Variants in CIBAR1 observed in about 807,000 individuals in gnomAD.
CIBAR1 encodes the protein CBY1 interacting BAR domain containing 1.
A neutral mutation model predicts 44.0 loss-of-function variants in CIBAR1; 25 were observed. That is an observed-to-expected ratio of 0.57 (90% CI 0.41 to 0.79). The LOEUF (loss-of-function observed/expected upper bound fraction) is 0.79, where lower values mean the gene tolerates loss of function less well. Among genes scored for constraint, CIBAR1 ranks in the 30% least tolerant of loss-of-function variants. The probability of loss-of-function intolerance (pLI) is 0.00; values close to 1 mark genes in which losing one functional copy is unlikely to be tolerated. For missense variants in CIBAR1, 278 were observed against 344.8 expected, an observed-to-expected ratio of 0.81 and a Z score of 1.53; for synonymous variants, 115 against 119.0, an observed-to-expected ratio of 0.97 and a Z score of 0.22.
chr8:93,700,775 C>A (rs2130260183), intron 1 of CIBAR1, 102 bp downstream of exon 1: 1 of 1,376,214 alleles, frequency 7.3e-7, no homozygotes, highest in East Asian at 3.1e-5. Context: ...GAATTCCGAC[C>A]CTGAGTGGGA....
intron 2 of CIBAR1, chr8:93,702,190 C>CA: frequency 1.0e-5 from 4 of 398,258 alleles, no homozygotes; most frequent in South Asian, 3.8e-5. Flanking sequence ...TTTCAATTTT[C>CA]AAAAAACAGA....
At position 93,728,782 on chromosome 8, in the gene CIBAR1, C is replaced by T. The variant is rs772505045; in HGVS notation, c.*485C>T. The T allele has an allele frequency of 1.6e-4, 24 of 151,998 alleles. No individual in the cohort carries two copies. Among genetic ancestry groups the T allele is most frequent in the African/African-American group, 5.3e-4 (22 of 41,478 alleles). 9.4% of individuals were successfully genotyped at this position (151,998 alleles called of 1,614,324 possible). On this transcript the variant is annotated 3_prime_UTR_variant, in exon 9 of 9. Transcript: ENST00000518322. ...CTTTATCATTTGATAAGTAAATTTACTTTTCAAGAAGAGTATAACCAAAGA... is the reference window on the plus strand; with the variant it reads ...CTTTATCATTTGATAAGTAAATTTATTTTTCAAGAAGAGTATAACCAAAGA...
chr8:93,723,197 C>T (rs896810901), intron 7 of CIBAR1, among the ~76,000 whole-genome samples: 3 of 152,154 alleles, frequency 2.0e-5, no homozygotes, highest in Admixed American at 2.0e-4. Flanking sequence ...GGGGTTTCAC[C>T]ATGTTAGCCA....
chr8:93,700,916 C>T, intron 1 of CIBAR1: 2 of 1,345,760 alleles, frequency 1.5e-6, no homozygotes, highest in Non-Finnish European at 1.9e-6. Flanking sequence ...CCCCACACTG[C>T]CGCGGGCAGT....
rs1472348809 is a variant in CIBAR1, at chr8:93,701,321, G to A, written c.124G>A (p.Ala42Thr). Residue 42 changes from alanine (A) to threonine (T), a missense_variant, in exon 2 of 9, where the codon GCC (alanine) becomes ACC (threonine). Coordinates refer to ENST00000518322, the MANE Select transcript of CIBAR1 (RefSeq NM_145269.5). ...QIFAAYVRKT[A>T]RLRDKADLLV... ...CTTCGCTGCCTATGTGCGGAAAACT[G>A]CCAGGCTGAGAGACAAAGCAGACCT... is the stretch of plus-strand genomic sequence containing the variant. 1 of 1,613,874 alleles carries A rather than the reference G, an allele frequency of 6.2e-7. No homozygotes were observed. Among genetic ancestry groups the A allele is most frequent in the South Asian group, 1.1e-5 (1 of 91,058 alleles).
rs369686288 is a variant in CIBAR1 at position 93,726,543 on chromosome 8, T to G, written c.777+30T>G. 59 of 1,610,106 alleles carry G rather than the reference T, an allele frequency of 3.7e-5. No homozygotes were observed. The African/African-American group carries it at 7.2e-4, about 20-fold the overall frequency. ...GCAAGAAACCGTACTCTAAAGGAAT[T>G]TGAGCTGCTGCCTTTGGAATTGTTG... is the stretch of plus-strand genomic sequence containing the variant. On this transcript the variant is annotated intron_variant, in intron 8 of 8. Transcript: ENST00000518322.
Position 93,703,674 on chromosome 8 carries a change from G to A in CIBAR1, c.316G>A (p.Val106Met). 2 of 1,553,370 alleles carry A rather than the reference G, an allele frequency of 1.3e-6. No homozygotes were observed. Among genetic ancestry groups the A allele is most frequent in the East Asian group, 4.8e-5 (2 of 41,492 alleles). The change falls in exon 3 of 9, where the codon GTG (valine) becomes ATG (methionine). Residue 106 changes from valine to methionine, a missense_variant. Coordinates refer to ENST00000518322, the MANE Select transcript of CIBAR1 (RefSeq NM_145269.5). ...VEPLKTYGTI[V>M]KMKRDDLKAT... is the part of the protein sequence containing the mutation. ...ACCCTTGAAAACTTATGGGACCATT[G>A]TGAAAATGAAACGGGTAAGTAAATC...
intron 7 of CIBAR1, among the ~76,000 whole-genome samples, chr8:93,719,008 T>C (rs1811142733): frequency 6.6e-6 from 1 of 152,010 alleles, no homozygotes; most frequent in Non-Finnish European, 1.5e-5. Flanking sequence ...GGATTACAGG[T>C]GCCCGCCACC....
At chr8:93,722,272 A>C (rs1296057340) in intron 7 of CIBAR1, among the ~76,000 whole-genome samples, 1 of 152,268 alleles carries the variant, frequency 6.6e-6, no homozygotes, top group African/African-American at 2.4e-5. Context: ...AGAAAAAGAC[A>C]GAAATAACTT....
intron 5 of CIBAR1, 38 bp from the exon 6 acceptor site, chr8:93,709,733 A>T (rs1810744358): frequency 4.5e-6 from 7 of 1,561,550 alleles, no homozygotes; most frequent in Non-Finnish European, 6.1e-6. Flanking sequence ...TTCTCATTTG[A>T]TTTTTTTTAT....
chr8:93,715,043 C>T (rs1810987380), intron 6 of CIBAR1, among the ~76,000 whole-genome samples: 6 of 152,166 alleles, frequency 3.9e-5, no homozygotes. Flanking sequence ...ACTGTGAGTG[C>T]ATTACTGTGT....
Position 93,703,291 on chromosome 8 carries a change from A to G in CIBAR1, c.262-329A>G, listed in dbSNP as rs183002162. ...ATTACAGTTCAGAGATAATATATGC[A>G]AAGTATCCATTACTGTGCTGAACAC... is the stretch of plus-strand genomic sequence containing the variant. On this transcript the variant is annotated intron_variant, in intron 2 of 8. Transcript: ENST00000518322. Among the ~76,000 whole-genome samples, 648 of 152,346 alleles carry G rather than the reference A, an allele frequency of 4.3e-3. 6 individuals are homozygous for G. The highest frequency in any genetic ancestry group is 4.3e-3 in the Non-Finnish European group (291 of 68,024).
intron 1 of CIBAR1, 112 bp from the exon 2 acceptor site, chr8:93,701,112 T>C (rs1586250750): frequency 3.3e-6 from 5 of 1,506,718 alleles, no homozygotes; most frequent in Non-Finnish European, 4.4e-6. Context: ...CGTTGATGGG[T>C]TTACGCCTTC....
At chr8:93,708,167 C>A (rs907712490) in intron 5 of CIBAR1, among the ~76,000 whole-genome samples, 151 bp downstream of exon 5, 1 of 151,956 alleles carries the variant, frequency 6.6e-6, no homozygotes, top group Admixed American at 6.5e-5. Context: ...CAAACTTTTT[C>A]TATGATTAAT....
At chr8:93,701,749 C>A in intron 2 of CIBAR1, 1 of 389,648 alleles carries the variant, frequency 2.6e-6, no homozygotes, top group Non-Finnish European at 4.6e-6. Flanking sequence ...GGAATAGTAC[C>A]CAGGGGGAAG....
At chr8:93,710,889 T>A (rs1810797518) in intron 6 of CIBAR1, among the ~76,000 whole-genome samples, 1 of 150,570 alleles carries the variant, frequency 6.6e-6, no homozygotes. Flanking sequence ...TTACCCAAAG[T>A]ACAATAGCCA....
chr8:93,714,912 G>GA (rs960169378), intron 6 of CIBAR1, among the ~76,000 whole-genome samples: 1 of 152,194 alleles, frequency 6.6e-6, no homozygotes, highest in African/African-American at 2.4e-5. Context: ...AATTTGGGGA[G>GA]AAACGGAACA....
chr8:93,702,965 A>G lies in CIBAR1; in HGVS notation c.262-655A>G, dbSNP rs79849222. Among the ~76,000 whole-genome samples, 808 of 152,310 alleles carry G rather than the reference A, an allele frequency of 5.3e-3. 4 individuals are homozygous for G. Among genetic ancestry groups the G allele is most frequent in the Admixed American group, 9.7e-3 (148 of 15,292 alleles). On this transcript the variant is annotated intron_variant, in intron 2 of 8. Coordinates refer to ENST00000518322, the MANE Select transcript of CIBAR1 (RefSeq NM_145269.5). ...AAAAAATCTCTCTTCAGTGCCTTCC[A>G]CTAGTACTACTTGTAAAAGAAGTAA...
intron 2 of CIBAR1, chr8:93,702,250 A>G (rs1021014446): frequency 2.3e-5 from 10 of 430,804 alleles, no homozygotes; most frequent in Admixed American, 2.1e-4. Context: ...ACAAATTTGA[A>G]GAGTAATCAT....
Sources: gnomAD v4.1 joint callset for allele counts (sites outside exome capture counted in the v4.1 genomes callset) on GRCh38, gnomAD v4.1.1 for gene constraint, MANE v1.5 for transcripts, NCBI Gene and HGNC (gene_info 2026-07-23, HGNC 2026-07-21) for gene names.